ATP2B1: variants seen among roughly 807,000 people sequenced by gnomAD.
The protein encoded by ATP2B1 is ATPase plasma membrane Ca2+ transporting 1.
ATP2B1 carries 14 observed loss-of-function variants against 124.2 expected under a neutral mutation model. The ratio of observed to expected loss-of-function variants is 0.11; its 90% CI spans 0.07 to 0.18. The LOEUF (loss-of-function observed/expected upper bound fraction) is 0.18, where lower values mean the gene tolerates loss of function less well. ATP2B1 is among the 10% of genes least tolerant of loss of function. The pLI, the probability that ATP2B1 is intolerant of heterozygous loss-of-function variation, is 1.00. For missense variants in ATP2B1, 763 were observed against 1,466.1 expected (o/e 0.52, Z 7.83); for synonymous variants, 449 against 492.4 (o/e 0.91, Z 1.17).
At chr12:89,700,814 A>C (rs1891758487) in intron 1 of ATP2B1, among the ~76,000 whole-genome samples, 1 of 152,208 alleles carries the variant, frequency 6.6e-6, no homozygotes, top group Non-Finnish European at 1.5e-5. Flanking sequence ...CTTACCAACA[A>C]TTAGACCTAT....
chr12:89,613,633 G>A (rs1057448809), intron 12 of ATP2B1, among the ~76,000 whole-genome samples: 1 of 152,090 alleles, frequency 6.6e-6, no homozygotes, highest in Non-Finnish European at 1.5e-5. Context: ...TTAAATTTTT[G>A]TATCTAAGCA....
Position 89,590,824 on chromosome 12 carries a change from CTTTTT to C in ATP2B1, c.*155_*159del. ...ACCCTCAGTCTGGCAGAAAGCTTTG[CTTTTT>C]TTTTTTTAAAAAAATAAATCTACAT... On this transcript the variant is annotated 3_prime_UTR_variant, in exon 21 of 21. Coordinates refer to ENST00000428670, the MANE Select transcript of ATP2B1 (RefSeq NM_001366521.1). The C allele has an allele frequency of 1.5e-6, 1 of 673,408 alleles. No homozygotes were observed. The highest frequency in any genetic ancestry group is 2.3e-6 in the Non-Finnish European group (1 of 443,778). The allele number at this position is 673,408 out of a possible 1,614,324, so 41.7% of individuals were successfully genotyped here. A position where few individuals can be genotyped will look rare whatever the true frequency, so the allele number is the denominator to read the frequency against.
chr12:89,596,142 A>G (rs868712176), intron 20 of ATP2B1, among the ~76,000 whole-genome samples: 1 of 152,144 alleles, frequency 6.6e-6, no homozygotes, highest in African/African-American at 2.4e-5. Flanking sequence ...GAGAAATATA[A>G]TAAGTATAGT....
At chr12:89,607,098 G>A (rs1233925528) in intron 15 of ATP2B1, among the ~76,000 whole-genome samples, 1 of 152,106 alleles carries the variant, frequency 6.6e-6, no homozygotes, top group South Asian at 2.1e-4. Context: ...TTTTAAAAAT[G>A]AGCTTCTAGG....
intron 6 of ATP2B1, among the ~76,000 whole-genome samples, chr12:89,628,705 T>C (rs528126797): frequency 1.6e-4 from 24 of 152,332 alleles, no homozygotes; most frequent in African/African-American, 5.1e-4. Context: ...ATTCATCCTA[T>C]ATTCTTCTAG....
chr12:89,633,900 A>C (rs1002486139), intron 5 of ATP2B1, among the ~76,000 whole-genome samples: 1 of 152,170 alleles, frequency 6.6e-6, no homozygotes, highest in African/African-American at 2.4e-5. Context: ...CAATTTCATA[A>C]ATTCCATATA....
intron 18 of ATP2B1, among the ~76,000 whole-genome samples, chr12:89,602,231 A>G (rs572571313): frequency 1.1e-4 from 16 of 152,198 alleles, no homozygotes; most frequent in Non-Finnish European, 2.2e-4. Context: ...CAGGAGTTCA[A>G]GACCAGCCTA....
intron 1 of ATP2B1, among the ~76,000 whole-genome samples, chr12:89,695,154 C>T (rs1242590171): frequency 6.6e-6 from 1 of 151,790 alleles, no homozygotes; most frequent in African/African-American, 2.4e-5. Context: ...GAACGCTTTT[C>T]TTCTTTACTT....
At chr12:89,635,367 CAATA>C (rs2136195187) in intron 3 of ATP2B1, 116 bp from the exon 4 acceptor site, 3 of 1,190,588 alleles carry the variant, frequency 2.5e-6, no homozygotes, top group Non-Finnish European at 3.4e-6. Flanking sequence ...TTACTTATAG[CAATA>C]AATACTTTAT....
At chr12:89,613,219 G>A (rs1401096116) in intron 12 of ATP2B1, among the ~76,000 whole-genome samples, 3 of 152,080 alleles carry the variant, frequency 2.0e-5, no homozygotes, top group Non-Finnish European at 4.4e-5. Context: ...GAGCTCAGGC[G>A]ATCCGTCTGC....
chr12:89,701,449 A>G (rs1215332202), intron 1 of ATP2B1, among the ~76,000 whole-genome samples: 2 of 151,862 alleles, frequency 1.3e-5, no homozygotes, highest in East Asian at 3.8e-4. Flanking sequence ...TTCAGGTACT[A>G]TTTTTTTTGG....
intron 1 of ATP2B1, among the ~76,000 whole-genome samples, chr12:89,671,092 T>C (rs1887917369): frequency 6.6e-6 from 1 of 152,160 alleles, no homozygotes; most frequent in South Asian, 2.1e-4. Context: ...CTGCCATTTT[T>C]GTGGATGAAA....
At chr12:89,643,107 T>C (rs917702813) in intron 2 of ATP2B1, among the ~76,000 whole-genome samples, 21 of 134,330 alleles carry the variant, frequency 1.6e-4, no homozygotes, top group South Asian at 9.2e-4. Context: ...TACATACGTA[T>C]ATATATACGT....
chr12:89,690,515 T>C (rs954353017), intron 1 of ATP2B1, among the ~76,000 whole-genome samples: 4 of 151,928 alleles, frequency 2.6e-5, no homozygotes, highest in Admixed American at 2.0e-4. Flanking sequence ...ACTCAGAATG[T>C]CAACAACTTA....
intron 19 of ATP2B1, among the ~76,000 whole-genome samples, chr12:89,599,537 A>T (rs946470655): frequency 1.3e-5 from 2 of 152,152 alleles, no homozygotes; most frequent in Non-Finnish European, 2.9e-5. Context: ...TAACCTGATT[A>T]CATTTTTCAT....
At chr12:89,666,238 T>C (rs1887305678) in intron 1 of ATP2B1, among the ~76,000 whole-genome samples, 2 of 152,168 alleles carry the variant, frequency 1.3e-5, no homozygotes, top group Non-Finnish European at 2.9e-5. Flanking sequence ...GCAAAGAATA[T>C]GGGCAACAGG....
At chr12:89,673,541 T>A (rs1888245015) in intron 1 of ATP2B1, among the ~76,000 whole-genome samples, 1 of 152,142 alleles carries the variant, frequency 6.6e-6, no homozygotes, top group Non-Finnish European at 1.5e-5. Context: ...CAGTTACAAA[T>A]CCTGTCCATA....
chr12:89,611,673 A>T (rs1033498324), intron 12 of ATP2B1: 38 of 237,500 alleles, frequency 1.6e-4, no homozygotes, highest in African/African-American at 8.5e-4. Context: ...GGCAACCATT[A>T]GGCAATTCTT....
chr12:89,679,895 G>C (rs925249612), intron 1 of ATP2B1, among the ~76,000 whole-genome samples: 3 of 152,064 alleles, frequency 2.0e-5, no homozygotes, highest in Non-Finnish European at 2.9e-5. Context: ...TAGGGCTTCT[G>C]GGGGAGAAGA....
Sources: gnomAD v4.1 joint callset for allele counts (sites outside exome capture counted in the v4.1 genomes callset) on GRCh38, gnomAD v4.1.1 for gene constraint, MANE v1.5 for transcripts, NCBI Gene and HGNC (gene_info 2026-07-23, HGNC 2026-07-21) for gene names.